The following DNAJA4 variants were observed in gnomAD, a reference collection of about 807,000 sequenced individuals.
The protein encoded by DNAJA4 is dnaJ homolog subfamily A member 4.
Under a neutral mutation model 39.7 loss-of-function variants are expected in DNAJA4, and 32 were observed. That is an observed-to-expected ratio of 0.81 (90% CI 0.61 to 1.08). DNAJA4 has a LOEUF of 1.08. Among genes scored for constraint, DNAJA4 ranks in the 50% least tolerant of loss-of-function variants. The pLI, the probability that DNAJA4 is intolerant of heterozygous loss-of-function variation, is 0.00. For missense variants in DNAJA4, 439 were observed against 505.1 expected, an observed-to-expected ratio of 0.87 and a Z score of 1.25; for synonymous variants, 184 against 182.4, an observed-to-expected ratio of 1.01 and a Z score of -0.07.
At chr15:78,271,141 T>C (rs543499089) in intron 2 of DNAJA4, among the ~76,000 whole-genome samples, 3 of 152,338 alleles carry the variant, frequency 2.0e-5, no homozygotes, top group African/African-American at 7.2e-5. Flanking sequence ...ACTTGTCTAG[T>C]GCTCAGGCTA....
chr15:78,264,648 T>G lies in DNAJA4; in HGVS notation c.-116T>G. 1.0e-6 allele frequency: 1 copy of G among 1,004,492 alleles called. No homozygotes were observed. Among genetic ancestry groups the G allele is most frequent in the Non-Finnish European group, 1.2e-6 (1 of 845,488 alleles). The allele number at this position is 1,004,492 out of a possible 1,614,324, so 62.2% of individuals were successfully genotyped here. A position where few individuals can be genotyped will look rare whatever the true frequency, so the allele number is the denominator to read the frequency against. Reference sequence around the variant, plus strand: ...CAAGCGGCGGCGGCGGCGGCGACCGTGACCGTGACGCGCGAGCGGGCGGCG... The same window carrying G: ...CAAGCGGCGGCGGCGGCGGCGACCGGGACCGTGACGCGCGAGCGGGCGGCG... On this transcript the variant is annotated 5_prime_UTR_variant, in exon 1 of 7. Coordinates refer to ENST00000394852, the MANE Select transcript of DNAJA4 (RefSeq NM_001130182.2).
upstream of DNAJA4, chr15:78,264,488 G>A: frequency 8.0e-7 from 1 of 1,253,436 alleles, no homozygotes; most frequent in Non-Finnish European, 1.0e-6. Flanking sequence ...CTAGGCCTTT[G>A]TGGCGTCACC....
chr15:78,266,362 A>T, intron 1 of DNAJA4: 2 of 1,425,752 alleles, frequency 1.4e-6, no homozygotes, highest in Middle Eastern at 1.8e-4. Context: ...TTATTTTTAA[A>T]AAATTAGACT....
chr15:78,272,077 T>A (rs982855296), intron 2 of DNAJA4, among the ~76,000 whole-genome samples: 5 of 152,166 alleles, frequency 3.3e-5, no homozygotes, highest in Admixed American at 3.3e-4. Flanking sequence ...GTGGACATGA[T>A]AAAACCTTGG....
chr15:78,277,364 C>G (rs1388305863), intron 5 of DNAJA4, among the ~76,000 whole-genome samples: 1 of 152,140 alleles, frequency 6.6e-6, no homozygotes, highest in East Asian at 1.9e-4. Context: ...CCATGTTGCC[C>G]AGACTTGTGT....
chr15:78,279,330 AC>A lies in DNAJA4; in HGVS notation c.878-712del, dbSNP rs1344040194. The A allele has an allele frequency of 6.6e-6, 1 of 152,092 alleles. No homozygotes were observed. The highest frequency in any genetic ancestry group is 1.5e-5 in the Non-Finnish European group (1 of 68,054). 9.4% of individuals were successfully genotyped at this position (152,092 alleles called of 1,614,324 possible). A position where few individuals can be genotyped will look rare whatever the true frequency, so the allele number is the denominator to read the frequency against. On this transcript the variant is annotated intron_variant, in intron 5 of 6. Transcript: ENST00000394852. This position sits in a 1 kb window ranked among gnomAD's most constrained non-coding sequence, Gnocchi z 4.5. ...AGCTGAAGAGCATGCTTTATCAGAA[AC>A]CCTTTTGTCCCTTTCCTTTTCCATG...
Position 78,264,867 on chromosome 15 carries a change from C to T in DNAJA4, c.104C>T (p.Pro35Leu), listed in dbSNP as rs763869087. The T allele has an allele frequency of 5.6e-6, 9 of 1,604,666 alleles. 1 individual carries two copies. In the South Asian group the frequency reaches 6.7e-5, roughly 12 times the overall value. ...CGGAAGCTGGCGCTCAAGTACCACC[C>T]GGACAAGAACCCGGATGAGGGCGAG... ...AYRKLALKYH[P>L]DKNPDEGEKF... Residue 35 changes from proline (P) to leucine (L), a missense_variant, in exon 1 of 7, where the codon CCG becomes CTG. Coordinates refer to ENST00000394852, the MANE Select transcript of DNAJA4 (RefSeq NM_001130182.2).
intron 1 of DNAJA4, 34 bp downstream of exon 1, chr15:78,264,929 C>G: frequency 6.5e-7 from 1 of 1,546,122 alleles, no homozygotes; most frequent in Non-Finnish European, 8.7e-7. Flanking sequence ...GCCGGGCTCC[C>G]GAGGGGCCAA....
At chr15:78,264,453 G>T (rs2049057417), upstream of DNAJA4, 2 of 1,325,764 alleles carry the variant, frequency 1.5e-6, no homozygotes, top group Non-Finnish European at 1.9e-6. Flanking sequence ...CCCGCCGCGG[G>T]GCCGCCGGAA....
At chr15:78,275,799 A>T (rs1010560185) in intron 5 of DNAJA4, 71 bp downstream of exon 5, 2 of 1,048,742 alleles carry the variant, frequency 1.9e-6, no homozygotes, top group Non-Finnish European at 2.8e-6. Flanking sequence ...AGTTAGCCTG[A>T]TTTTTTTATT....
Position 78,264,867 on chromosome 15 carries a change from C to G in DNAJA4, c.104C>G (p.Pro35Arg). 6.2e-7 allele frequency: 1 copy of G among 1,604,666 alleles called. No homozygotes were observed. The highest frequency in any genetic ancestry group is 8.5e-7 in the Non-Finnish European group (1 of 1,175,960). ...CGGAAGCTGGCGCTCAAGTACCACC[C>G]GGACAAGAACCCGGATGAGGGCGAG... is the stretch of plus-strand genomic sequence containing the variant. ...AYRKLALKYH[P>R]DKNPDEGEKF... The change falls in exon 1 of 7, where the codon CCG (proline) becomes CGG (arginine). Residue 35 changes from proline (P) to arginine (R), a missense_variant. Physicochemically the swap from Pro to Arg is moderately radical, Grantham distance 103. Transcript: ENST00000394852.
At chr15:78,268,517 G>A (rs2049204769) in intron 1 of DNAJA4, among the ~76,000 whole-genome samples, 2 of 152,130 alleles carry the variant, frequency 1.3e-5, no homozygotes, top group African/African-American at 4.8e-5. Context: ...GGGAATTAAT[G>A]CCTCAAATTC....
chr15:78,271,956 G>C (rs1409992417), intron 2 of DNAJA4, among the ~76,000 whole-genome samples: 1 of 152,108 alleles, frequency 6.6e-6, no homozygotes, highest in Non-Finnish European at 1.5e-5. Context: ...GCTTGAAAAA[G>C]CTTGGGTGTC....
chr15:78,264,560 C>T (rs2049060302), upstream of DNAJA4: 9 of 1,215,510 alleles, frequency 7.4e-6, no homozygotes, highest in East Asian at 3.3e-5. Context: ...GCCGGTGGCT[C>T]TAGTGCGGTG....
intron 5 of DNAJA4, chr15:78,278,369 A>T: frequency 2.2e-6 from 1 of 444,520 alleles, no homozygotes. Flanking sequence ...GTTCTGAGAG[A>T]TGCATTGTTT....
intron 4 of DNAJA4, 182 bp downstream of exon 4, chr15:78,274,606 G>T (rs2049395542): frequency 1.6e-6 from 1 of 624,454 alleles, no homozygotes; most frequent in Non-Finnish European, 2.8e-6. Flanking sequence ...TCCATTCCAT[G>T]TCACCTGCCA....
chr15:78,276,427 C>T (rs951087360), intron 5 of DNAJA4, among the ~76,000 whole-genome samples: 2 of 152,226 alleles, frequency 1.3e-5, no homozygotes, highest in African/African-American at 4.8e-5. Flanking sequence ...AGCCCCCAAC[C>T]CCCCTGTAGA....
At chr15:78,264,438 G>A (rs942860314), upstream of DNAJA4, 21 of 1,331,870 alleles carry the variant, frequency 1.6e-5, no homozygotes, top group African/African-American at 3.1e-5. Context: ...GGTCTGGGCC[G>A]CGAACCCGCC....
At chr15:78,266,899 C>T (rs1567114830) in intron 1 of DNAJA4, among the ~76,000 whole-genome samples, 1 of 151,970 alleles carries the variant, frequency 6.6e-6, no homozygotes, top group Non-Finnish European at 1.5e-5. Context: ...GAGGAGAGGG[C>T]CCTATAAAGG....
Sources: gnomAD v4.1 joint callset for allele counts (sites outside exome capture counted in the v4.1 genomes callset) on GRCh38, gnomAD v4.1.1 for gene constraint, Gnocchi (gnomAD v3.1) non-coding constraint, MANE v1.5 for transcripts, NCBI Gene and HGNC (gene_info 2026-07-23, HGNC 2026-07-21) for gene names.